ADAMTS19: variants seen among roughly 807,000 people sequenced by gnomAD.
ADAMTS19 encodes the protein A disintegrin and metalloproteinase with thrombospondin motifs 19.
ADAMTS19 carries 93 observed loss-of-function variants against 153.3 expected under a neutral mutation model. That is an observed-to-expected ratio of 0.61 (90% CI 0.51 to 0.72). The LOEUF (loss-of-function observed/expected upper bound fraction) is 0.72, where lower values mean the gene tolerates loss of function less well. Among genes scored for constraint, ADAMTS19 ranks in the 30% least tolerant of loss-of-function variants. The pLI is 0.00. For synonymous variants in ADAMTS19, 600 were observed against 556.6 expected, an observed-to-expected ratio of 1.08 and a Z score of -1.10; for missense variants, 1,482 against 1,552.1, an observed-to-expected ratio of 0.95 and a Z score of 0.76.
At chr5:129,686,855 T>C (rs1256458709) in intron 18 of ADAMTS19, among the ~76,000 whole-genome samples, 3 of 152,094 alleles carry the variant, frequency 2.0e-5, no homozygotes, top group Admixed American at 6.5e-5. Flanking sequence ...GCTCTCTCAA[T>C]TTAAAAAAAT....
chr5:129,722,509 A>T (rs1397566844), intron 21 of ADAMTS19, among the ~76,000 whole-genome samples: 4 of 152,048 alleles, frequency 2.6e-5, no homozygotes, highest in Admixed American at 2.6e-4. Flanking sequence ...TTTGTTAGAT[A>T]GGTAGATTGC....
At chr5:129,623,165 A>G (rs1751862712) in intron 10 of ADAMTS19, among the ~76,000 whole-genome samples, 1 of 152,226 alleles carries the variant, frequency 6.6e-6, no homozygotes, top group African/African-American at 2.4e-5. Context: ...AAGAAAAGGG[A>G]AAATGTATAA....
intron 3 of ADAMTS19, among the ~76,000 whole-genome samples, chr5:129,520,986 AT>A (rs1751781098): frequency 6.6e-6 from 1 of 152,044 alleles, no homozygotes; most frequent in African/African-American, 2.4e-5. Flanking sequence ...GTAGTGATAT[AT>A]TTTATATGCT....
chr5:129,549,931 T>G (rs1753014714), intron 6 of ADAMTS19, among the ~76,000 whole-genome samples: 1 of 132,114 alleles, frequency 7.6e-6, no homozygotes, highest in Admixed American at 7.6e-5. Context: ...TGTATCTATA[T>G]ATACATATAC....
rs1756051295 is a variant in ADAMTS19, at chr5:129,704,379, T to C, written c.3300T>C (p.Gly1100=). ...CAAAATGCTATGTGTGGCGAATGGGTGACTGGTCTAAGGTGAGAACCATTC... is the reference window on the plus strand; with the variant it reads ...CAAAATGCTATGTGTGGCGAATGGGCGACTGGTCTAAGGTGAGAACCATTC... ...DYSKCYVWRM[G]DWSKCSITCG... is the part of the protein sequence containing the mutation. The change falls in exon 21 of 23, where the codon GGT becomes GGC. Residue 1100 remains glycine, a synonymous_variant. Coordinates refer to ENST00000274487, the MANE Select transcript of ADAMTS19 (RefSeq NM_133638.6). 6 of 1,613,776 alleles carry C rather than the reference T, an allele frequency of 3.7e-6. No homozygotes were observed. Among genetic ancestry groups the C allele is most frequent in the Non-Finnish European group, 5.1e-6 (6 of 1,179,852 alleles).
At chr5:129,557,282 A>C (rs2126834409) in intron 7 of ADAMTS19, among the ~76,000 whole-genome samples, 1 of 152,272 alleles carries the variant, frequency 6.6e-6, no homozygotes, top group African/African-American at 2.4e-5. Flanking sequence ...TTAACAATTA[A>C]ATAAATTGAA....
At chr5:129,705,801 A>AAGTCAAG (rs1337155981) in intron 21 of ADAMTS19, among the ~76,000 whole-genome samples, 1 of 152,178 alleles carries the variant, frequency 6.6e-6, no homozygotes, top group Non-Finnish European at 1.5e-5. Flanking sequence ...AGTGGCTTGG[A>AAGTCAAG]AGTCAAGAGA....
chr5:129,495,093 A>G (rs1470156627), intron 2 of ADAMTS19, among the ~76,000 whole-genome samples: 1 of 152,076 alleles, frequency 6.6e-6, no homozygotes, highest in Admixed American at 6.6e-5. Context: ...AATAATTATT[A>G]ATATTTGTTA....
At chr5:129,731,417 A>G (rs1757439742) in intron 21 of ADAMTS19, among the ~76,000 whole-genome samples, 1 of 152,168 alleles carries the variant, frequency 6.6e-6, no homozygotes, top group South Asian at 2.1e-4. Context: ...AAAGAAGTAA[A>G]CACATGCCAG....
At chr5:129,536,627 G>T (rs1752440153) in intron 6 of ADAMTS19, among the ~76,000 whole-genome samples, 1 of 152,140 alleles carries the variant, frequency 6.6e-6, no homozygotes, top group African/African-American at 2.4e-5. Context: ...GTTTACTGCG[G>T]CACTATTCAC....
intron 10 of ADAMTS19, among the ~76,000 whole-genome samples, chr5:129,629,030 G>A (rs1752176180): frequency 6.6e-6 from 1 of 151,938 alleles, no homozygotes; most frequent in African/African-American, 2.4e-5. Context: ...GGCTCTATGT[G>A]GAGTCACCCT....
chr5:129,672,044 G>T (rs1227674411), intron 16 of ADAMTS19, among the ~76,000 whole-genome samples: 1 of 152,146 alleles, frequency 6.6e-6, no homozygotes, highest in Non-Finnish European at 1.5e-5. Flanking sequence ...ATTTCCCACA[G>T]TTCTGGAGGC....
In ADAMTS19 at chr5:129,686,696, G is replaced by C. The variant is rs374220793; in HGVS notation, c.2818+2423G>C. 5.3e-5 allele frequency among the ~76,000 whole-genome samples: 8 copies of C among 152,218 alleles called. No individual in the cohort carries two copies. In the East Asian group the frequency reaches 1.6e-3, roughly 29 times the overall value. On this transcript the variant is annotated intron_variant, in intron 18 of 22. Transcript: ENST00000274487. ...GTGGGAAGGAGCATCCTTTGGCAGA[G>C]GGCTCAGAGCTTTGAGGTTCTCACC...
At chr5:129,724,943 A>C (rs152075) in intron 21 of ADAMTS19, among the ~76,000 whole-genome samples, 143,441 of 152,154 alleles carry the variant, frequency 0.94, 67,727 homozygotes, top group East Asian at 1. Flanking sequence ...AAGGACCCTC[A>C]ATGTTGAACA....
At chr5:129,596,966 A>G (rs1750409644) in intron 8 of ADAMTS19, among the ~76,000 whole-genome samples, 1 of 152,208 alleles carries the variant, frequency 6.6e-6, no homozygotes, top group Admixed American at 6.5e-5. Flanking sequence ...CATAATCTTG[A>G]GACTACAAAG....
chr5:129,639,531 C>T (rs1181409622), intron 10 of ADAMTS19, among the ~76,000 whole-genome samples: 2 of 152,078 alleles, frequency 1.3e-5, no homozygotes, highest in African/African-American at 4.8e-5. Context: ...TGCTTGTATG[C>T]TCTGAGTGTC....
chr5:129,626,138 A>G (rs182694153), intron 10 of ADAMTS19, among the ~76,000 whole-genome samples: 1 of 152,272 alleles, frequency 6.6e-6, no homozygotes, highest in East Asian at 1.9e-4. Context: ...TGAAGTTCTT[A>G]TACCTATTAA....
intron 3 of ADAMTS19, among the ~76,000 whole-genome samples, chr5:129,522,332 C>CACACACACACATATATATAT (rs1309115957): frequency 1.7e-5 from 1 of 58,626 alleles, no homozygotes; most frequent in South Asian, 6.8e-4. Flanking sequence ...CACACACACA[C>CACACACACACATATATATAT]ATATATATAT....
intron 2 of ADAMTS19, among the ~76,000 whole-genome samples, chr5:129,471,640 A>C (rs966157740): frequency 6.6e-6 from 1 of 152,086 alleles, no homozygotes; most frequent in African/African-American, 2.4e-5. Context: ...TTTACAAATT[A>C]TTTCATCACC....
Sources: gnomAD v4.1 joint callset for allele counts (sites outside exome capture counted in the v4.1 genomes callset) on GRCh38, gnomAD v4.1.1 for gene constraint, MANE v1.5 for transcripts, NCBI Gene and HGNC (gene_info 2026-07-23, HGNC 2026-07-21) for gene names.